LIPA: variants seen among roughly 807,000 people sequenced by gnomAD.
LIPA encodes lysosomal acid lipase/cholesteryl ester hydrolase.
LIPA carries 26 observed loss-of-function variants against 40.6 expected under a neutral mutation model. That is an observed-to-expected ratio of 0.64 (90% CI 0.47 to 0.89). LIPA has a LOEUF of 0.89. LIPA is among the 40% of genes least tolerant of loss of function. The pLI, the probability that LIPA is intolerant of heterozygous loss-of-function variation, is 0.00. For synonymous variants in LIPA, 188 were observed against 168.4 expected (o/e 1.12, Z -0.90); for missense variants, 455 against 479.6 (o/e 0.95, Z 0.48).
At chr10:89,385,271 A>G (rs1844202411) in intron 2 of LIPA, 1 of 153,388 alleles carries the variant, frequency 6.5e-6, no homozygotes, top group South Asian at 2.0e-4. Context: ...TCAAAAATGT[A>G]TAGTCTGATG....
chr10:89,281,341 C>T (rs12761410), intron 1 of LIPA, among the ~76,000 whole-genome samples: 47,698 of 152,062 alleles, frequency 0.31, 8,350 homozygotes, highest in Non-Finnish European at 0.4. Flanking sequence ...AGTAATTTTC[C>T]ATCCACTCCT....
chr10:89,412,233 C>A (rs1273697093), intron 2 of LIPA, among the ~76,000 whole-genome samples: 1 of 152,176 alleles, frequency 6.6e-6, no homozygotes, highest in Non-Finnish European at 1.5e-5. Flanking sequence ...GCTGGCTGGG[C>A]TTCTGGGTCA....
At chr10:89,224,118 C>T (rs2133427838) in intron 6 of LIPA, among the ~76,000 whole-genome samples, 1 of 152,260 alleles carries the variant, frequency 6.6e-6, no homozygotes, top group Middle Eastern at 3.4e-3. Flanking sequence ...TAATGATCAC[C>T]CCTCCCAGGG....
intron 1 of LIPA, among the ~76,000 whole-genome samples, chr10:89,290,962 C>T (rs886066320): frequency 4.9e-4 from 74 of 152,344 alleles, no homozygotes; most frequent in African/African-American, 1.7e-3. Flanking sequence ...CAGTTGGTTT[C>T]ATCTTATCCT....
At chr10:89,354,057 G>A (rs1045076571) in intron 2 of LIPA, among the ~76,000 whole-genome samples, 1 of 151,730 alleles carries the variant, frequency 6.6e-6, no homozygotes, top group Non-Finnish European at 1.5e-5. Context: ...CTCTCTCTTT[G>A]CCTTTTCCCC....
intron 8 of LIPA, 87 bp from the exon 9 acceptor site, chr10:89,216,096 G>A (rs1042801550): frequency 1.2e-6 from 1 of 858,682 alleles, no homozygotes; most frequent in Non-Finnish European, 2.0e-6. Context: ...CACAACCTCG[G>A]AAATCAACTT....
chr10:89,395,025 A>C (rs1331587192), intron 2 of LIPA, among the ~76,000 whole-genome samples: 1 of 152,204 alleles, frequency 6.6e-6, no homozygotes, highest in Non-Finnish European at 1.5e-5. Context: ...TTCCAGAAGC[A>C]GGGCTCAGTC....
chr10:89,356,147 G>A (rs1004994524), intron 2 of LIPA, among the ~76,000 whole-genome samples: 2 of 151,994 alleles, frequency 1.3e-5, no homozygotes, highest in African/African-American at 4.8e-5. Context: ...GTCTGTATTG[G>A]GACCCCTTTC....
At chr10:89,233,661 A>G (rs1315338053) in intron 3 of LIPA, among the ~76,000 whole-genome samples, 31 of 152,138 alleles carry the variant, frequency 2.0e-4, no homozygotes, top group Non-Finnish European at 7.4e-5. Context: ...GCATTTTGGG[A>G]GGCCGAGGCG....
intron 1 of LIPA, among the ~76,000 whole-genome samples, chr10:89,259,733 G>A (rs1843197497): frequency 6.6e-6 from 1 of 152,190 alleles, no homozygotes; most frequent in Non-Finnish European, 1.5e-5. Context: ...GATGCACACA[G>A]CAACATGAAT....
At chr10:89,412,581 A>G (rs1164101511) in intron 2 of LIPA, 1 of 169,716 alleles carries the variant, frequency 5.9e-6, no homozygotes. Flanking sequence ...TTCGCAACGA[A>G]TCTTGCTGCT....
chr10:89,282,141 T>C (rs1031452335), intron 1 of LIPA, among the ~76,000 whole-genome samples: 2 of 152,214 alleles, frequency 1.3e-5, no homozygotes, highest in Admixed American at 6.5e-5. Context: ...TTGAACTTGA[T>C]TCCAGGATAT....
At position 89,215,042 on chromosome 10, in the gene LIPA, T is replaced by C. The variant is rs1160670093; in HGVS notation, c.986A>G (p.Asn329Ser). The C allele has an allele frequency of 1.2e-6, 2 of 1,612,940 alleles. No individual in the cohort carries two copies. Residue 329 changes from asparagine to serine, a missense_variant, in exon 10 of 10, where the codon AAT becomes AGT. Coordinates refer to ENST00000336233, the MANE Select transcript of LIPA (RefSeq NM_000235.4). ...HYNQSYPPTY[N>S]VKDMLVPTAV... ...AGTCGGCACAAGCATGTCCTTCACA[T>C]TGTATGTGGGAGGATAACTCTACAA...
At chr10:89,269,180 A>T (rs887830700) in intron 1 of LIPA, among the ~76,000 whole-genome samples, 18 of 139,908 alleles carry the variant, frequency 1.3e-4, no homozygotes, top group Non-Finnish European at 2.5e-4. Context: ...ACAAAAAAAA[A>T]TTAGCTGGGC....
rs539554351 is a variant in LIPA, at chr10:89,353,668, C to G, written c.61+59123G>C. Among the ~76,000 whole-genome samples the G allele has an allele frequency of 2.6e-5, 4 of 152,278 alleles. No individual in the cohort carries two copies. The South Asian group carries it at 8.3e-4, about 32-fold the overall frequency. On this transcript the variant is annotated intron_variant, in intron 2 of 8. Coordinates refer to the LIPA transcript ENST00000371837. ...AATCTCTTAAGTTACCCACTTGGCC[C>G]TCTTTCAAGGTCAAGAATATAAAGC...
chr10:89,269,194 G>A (rs2133491541), intron 1 of LIPA, among the ~76,000 whole-genome samples: 1 of 151,706 alleles, frequency 6.6e-6, no homozygotes, highest in Non-Finnish European at 1.5e-5. Context: ...GCTGGGCGTG[G>A]TGGCGCATGC....
At chr10:89,272,258 C>T (rs1434846579) in intron 1 of LIPA, among the ~76,000 whole-genome samples, 3 of 152,090 alleles carry the variant, frequency 2.0e-5, no homozygotes, top group Non-Finnish European at 4.4e-5. Context: ...CACCCCCTGC[C>T]CTCCAGTAAG....
At chr10:89,326,496 T>A (rs149888629) in intron 1 of LIPA, among the ~76,000 whole-genome samples, 65 of 152,284 alleles carry the variant, frequency 4.3e-4, no homozygotes, top group African/African-American at 1.5e-3. Context: ...TATACTTAGA[T>A]AGAATTAATA....
At chr10:89,412,300 G>A (rs1461647488) in intron 2 of LIPA, among the ~76,000 whole-genome samples, 1 of 152,094 alleles carries the variant, frequency 6.6e-6, no homozygotes, top group African/African-American at 2.4e-5. Context: ...GCACCAATCA[G>A]CACTCTGTGT....
Sources: gnomAD v4.1 joint callset for allele counts (sites outside exome capture counted in the v4.1 genomes callset) on GRCh38, gnomAD v4.1.1 for gene constraint, MANE v1.5 for transcripts, NCBI Gene and HGNC (gene_info 2026-07-23, HGNC 2026-07-21) for gene names.